Variants in CLN6 observed in about 807,000 individuals in gnomAD.
CLN6 encodes ceroid-lipofuscinosis neuronal protein 6.
In CLN6, 22 loss-of-function variants were observed where a neutral mutation model predicts 33.3. The observed-to-expected ratio is 0.66, with a 90% CI of 0.47 to 0.94. CLN6 has a LOEUF of 0.94. Ranked by LOEUF, CLN6 falls within the 40% of genes least tolerant of loss-of-function variation. CLN6 has a pLI of 0.00. For synonymous variants in CLN6, 201 were observed against 174.6 expected (o/e 1.15, Z -1.19); for missense variants, 387 against 417.1 (o/e 0.93, Z 0.63).
In CLN6 at chr15:68,247,932, G is replaced by A. The variant is rs1201916898; in HGVS notation, c.179+8758C>T. ...AATCCTAGCTACTTGGGAGGCTGAG[G>A]CAGGAGAATCACTTGAACCTGGGAG... is the stretch of plus-strand genomic sequence containing the variant. On this transcript the variant is annotated intron_variant, in intron 1 of 6. Coordinates refer to the CLN6 transcript ENST00000538696. This position sits in a 1 kb window ranked among gnomAD's most constrained non-coding sequence, Gnocchi z 4.2. 2.0e-5 allele frequency among the ~76,000 whole-genome samples: 3 copies of A among 151,444 alleles called. No individual in the cohort carries two copies. Among genetic ancestry groups the A allele is most frequent in the Non-Finnish European group, 4.4e-5 (3 of 67,982 alleles).
rs140179213 is a variant in CLN6 at position 68,211,832 on chromosome 15, C to A, written c.329G>T (p.Arg110Leu). The change falls in exon 4 of 7, where the codon CGC becomes CTC. Residue 110 changes from arginine (R) to leucine (L), a missense_variant. Physicochemically the swap from Arg to Leu is moderately radical, Grantham distance 102 (BLOSUM62 -2). Coordinates refer to ENST00000249806, the MANE Select transcript of CLN6 (RefSeq NM_017882.3). This position sits in a 1 kb window ranked among gnomAD's most constrained non-coding sequence, Gnocchi z 5.9. ...LIERSPRTLP[R>L]SITYVSIIIF... ...GATGATGCTCACGTACGTGATGGAG[C>A]GTGGCAGGGTGCGGGGGGACCGCTC... 4.3e-6 allele frequency: 7 copies of A among 1,613,656 alleles called. No homozygotes were observed. The African/African-American group carries it at 6.7e-5, about 15-fold the overall frequency.
Position 68,208,750 on chromosome 15 carries a change from G to A in CLN6, c.666-340C>T, listed in dbSNP as rs1450909173. 2.0e-5 allele frequency among the ~76,000 whole-genome samples: 3 copies of A among 152,182 alleles called. No individual in the cohort carries two copies. The highest frequency in any genetic ancestry group is 6.5e-5 in the Admixed American group (1 of 15,284). On this transcript the variant is annotated intron_variant, in intron 6 of 6. Transcript: ENST00000249806. The surrounding 1 kb of genome is among the most constrained non-coding windows in gnomAD (Gnocchi z 5.8). ...AGCAACAAACAATTGCCATTACGAC[G>A]GCAGCCACCCCCGCGGCAGGATGCC...
Position 68,228,145 on chromosome 15 carries a change from CTATGGCCAG to C in CLN6, c.83+1348_83+1356del, listed in dbSNP as rs2141154902. 6.6e-6 allele frequency among the ~76,000 whole-genome samples: 1 copy of C among 152,304 alleles called. No homozygotes were observed. The highest frequency in any genetic ancestry group is 2.4e-5 in the African/African-American group (1 of 41,572). On this transcript the variant is annotated intron_variant, in intron 1 of 6. Transcript: ENST00000249806. The surrounding 1 kb of genome is among the most constrained non-coding windows in gnomAD (Gnocchi z 4.4). Reference sequence around the variant, plus strand: ...AGACAGGTGAGCTACAGTATGCGGTCTATGGCCAGTACATTGTTTCTAAGTGAAAACGGA... The same window carrying C: ...AGACAGGTGAGCTACAGTATGCGGTCTACATTGTTTCTAAGTGAAAACGGA...
At position 68,210,748 on chromosome 15, in the gene CLN6, G is replaced by A. The variant is rs1418217163; in HGVS notation, c.542+515C>T. 6.6e-6 allele frequency among the ~76,000 whole-genome samples: 1 copy of A among 152,138 alleles called. No homozygotes were observed. The highest frequency in any genetic ancestry group is 1.5e-5 in the Non-Finnish European group (1 of 68,010). On this transcript the variant is annotated intron_variant, in intron 5 of 6. Transcript: ENST00000249806. The surrounding 1 kb of genome is among the most constrained non-coding windows in gnomAD (Gnocchi z 5.6). The stretch of plus-strand genomic sequence containing the variant: ...GGTAGGTAGGAAAAGGTGCCCCTCT[G>A]GGAGTTCTGAAGAGGGGGGAGCGCA...
chr15:68,208,158 G>C lies in CLN6; in HGVS notation c.918C>G (p.His306Gln), dbSNP rs1347398610. Residue 306 changes from histidine (H) to glutamine (Q), a missense_variant, in exon 7 of 7, where the codon CAC becomes CAG. Transcript: ENST00000249806. This position sits in a 1 kb window ranked among gnomAD's most constrained non-coding sequence, Gnocchi z 5.8. Reference sequence around the variant, plus strand: ...CAGGGACTCAGTGCCGACTGCTGACGTGAAGGGTGTAGAAAGCCCAGGGCT... The same window carrying C: ...CAGGGACTCAGTGCCGACTGCTGACCTGAAGGGTGTAGAAAGCCCAGGGCT... ...VPEPWAFYTL[H>Q]VSSRH The C allele has an allele frequency of 1.3e-6, 2 of 1,575,710 alleles. No individual in the cohort carries two copies. The highest frequency in any genetic ancestry group is 4.8e-5 in the East Asian group (2 of 42,066).
rs949403836 is a variant in CLN6, at chr15:68,211,765, A to G, written c.396T>C (p.Ser132=). The G allele has an allele frequency of 6.8e-6, 11 of 1,613,754 alleles. No homozygotes were observed. The highest frequency in any genetic ancestry group is 1.3e-5 in the African/African-American group (1 of 74,910). The change falls in exon 4 of 7, where the codon TCT becomes TCC. Residue 132 remains serine (S), a synonymous_variant. Transcript: ENST00000249806. This position sits in a 1 kb window ranked among gnomAD's most constrained non-coding sequence, Gnocchi z 5.9. ...CACTGAAGAGCAGGCGGTGGTTGAC[A>G]GAGTCACCCACCAGGTGGATGCTGG... is the stretch of plus-strand genomic sequence containing the variant. ...MGASIHLVGD[S]VNHRLLFSGY... is the part of the protein sequence containing the mutation.
Position 68,221,841 on chromosome 15 carries a change from C to T in CLN6, c.84-3191G>A, listed in dbSNP as rs538546640. On this transcript the variant is annotated intron_variant, in intron 1 of 6. Transcript: ENST00000249806. The stretch of plus-strand genomic sequence containing the variant: ...GTGAGGAGCGCCTCTGCCCAGCTGC[C>T]CCGTCTAGGAAGTGAGGAGCGCCTC... Among the ~76,000 whole-genome samples, 82 of 148,752 alleles carry T rather than the reference C, an allele frequency of 5.5e-4. 1 individual carries two copies. Among genetic ancestry groups the T allele is most frequent in the Middle Eastern group, 3.5e-3 (1 of 284 alleles).
rs150222051 is a variant in CLN6, at chr15:68,252,718, A to C, written c.179+3972T>G. Among the ~76,000 whole-genome samples the C allele has an allele frequency of 4.1e-3, 619 of 152,352 alleles. 1 individual carries two copies. Among genetic ancestry groups the C allele is most frequent in the Non-Finnish European group, 7.0e-3 (476 of 68,032 alleles). ...AAATAGTGATATATTCACAGAGTGC[A>C]TGTACTATAGCTACACACATCAACC... On this transcript the variant is annotated intron_variant, in intron 1 of 6. Transcript: ENST00000538696.
At chr15:68,235,634 C>A (rs28455086) in intron 1 of CLN6, among the ~76,000 whole-genome samples, 4,261 of 123,174 alleles carry the variant, frequency 0.035, 168 homozygotes, top group African/African-American at 0.13. Flanking sequence ...ATATATATAT[C>A]GATTAATCGA....
rs1567094628 is a variant in CLN6, at chr15:68,208,317, G to C, written c.759C>G (p.Leu253=). 3.7e-6 allele frequency: 6 copies of C among 1,614,184 alleles called. No homozygotes were observed. The highest frequency in any genetic ancestry group is 3.3e-4 in the Middle Eastern group (2 of 6,062). The change falls in exon 7 of 7, where the codon CTC becomes CTG. Residue 253 remains leucine, a synonymous_variant. Coordinates refer to ENST00000249806, the MANE Select transcript of CLN6 (RefSeq NM_017882.3). This position sits in a 1 kb window ranked among gnomAD's most constrained non-coding sequence, Gnocchi z 5.8. The part of the protein sequence containing the change: ...ALVLHQKRKR[L]FLDSNGLFLF... ...GGAAGAGGCCGTTGCTGTCCAGGAA[G>C]AGGCGCTTGCGCTTCTGGTGCAGGA...
At chr15:68,226,147 G>A (rs1222223796) in intron 1 of CLN6, among the ~76,000 whole-genome samples, 6 of 151,092 alleles carry the variant, frequency 4.0e-5, no homozygotes, top group South Asian at 2.1e-4. Context: ...GTGAAACGCC[G>A]TCTCTACTAA....
chr15:68,224,265 CA>C (rs34196710), intron 1 of CLN6, among the ~76,000 whole-genome samples: 141 of 46,720 alleles, frequency 3.0e-3, no homozygotes, highest in African/African-American at 0.017. Flanking sequence ...GACCTTATTG[CA>C]AAAAAAAAAA....
intron 1 of CLN6, among the ~76,000 whole-genome samples, chr15:68,225,076 C>T (rs1200389090): frequency 6.6e-6 from 1 of 151,334 alleles, no homozygotes; most frequent in Non-Finnish European, 1.5e-5. Flanking sequence ...AAATGGGGAC[C>T]ACAGAGAGAC....
At chr15:68,229,363 G>GC in intron 1 of CLN6, 139 bp downstream of exon 1, 7 of 560,568 alleles carry the variant, frequency 1.2e-5, no homozygotes, top group South Asian at 7.3e-5. Context: ...GCGCCTCCAA[G>GC]CCCCCCGCGC....
rs1401034990 is a variant in CLN6 at position 68,211,549 on chromosome 15, C to T, written c.486+126G>A. 3.1e-6 allele frequency: 5 copies of T among 1,598,194 alleles called. No homozygotes were observed. In the African/African-American group the frequency reaches 6.7e-5, roughly 21 times the overall value. On this transcript the variant is annotated intron_variant, in intron 4 of 6. Coordinates refer to ENST00000249806, the MANE Select transcript of CLN6 (RefSeq NM_017882.3). The surrounding 1 kb of genome is among the most constrained non-coding windows in gnomAD (Gnocchi z 5.9). ...TCCTAGCTTGGGGCAGGCGACAGTG[C>T]CCTCACCTAGCAGAATGCCTTTGGT...
At chr15:68,217,777 T>A (rs1342635876) in intron 2 of CLN6, among the ~76,000 whole-genome samples, 1 of 152,192 alleles carries the variant, frequency 6.6e-6, no homozygotes, top group Non-Finnish European at 1.5e-5. Context: ...ATAGTCACAC[T>A]GTGCCCCCAC....
rs560219596 is a variant in CLN6 at position 68,228,752 on chromosome 15, A to C, written c.83+750T>G. Among the ~76,000 whole-genome samples the C allele has an allele frequency of 6.6e-6, 1 of 152,060 alleles. No individual in the cohort carries two copies. Among genetic ancestry groups the C allele is most frequent in the South Asian group, 2.1e-4 (1 of 4,818 alleles). On this transcript the variant is annotated intron_variant, in intron 1 of 6. Coordinates refer to ENST00000249806, the MANE Select transcript of CLN6 (RefSeq NM_017882.3). The surrounding 1 kb of genome is among the most constrained non-coding windows in gnomAD (Gnocchi z 4.4). Reference sequence around the variant, plus strand: ...GGGCTCTGTCTCTCCTGATCCCTACAGGACCGTAAGCCTCTCCCACCTTCA... The same window carrying C: ...GGGCTCTGTCTCTCCTGATCCCTACCGGACCGTAAGCCTCTCCCACCTTCA...
At chr15:68,229,879 C>A, upstream of CLN6, 1 of 241,826 alleles carries the variant, frequency 4.1e-6, no homozygotes, top group Non-Finnish European at 7.7e-6. Flanking sequence ...CCTGTCCGGG[C>A]TGCGCGCGTG....
chr15:68,211,337 G>C lies in CLN6; in HGVS notation c.487-19C>G. On this transcript the variant is annotated intron_variant, in intron 4 of 6. Coordinates refer to ENST00000249806, the MANE Select transcript of CLN6 (RefSeq NM_017882.3). The surrounding 1 kb of genome is among the most constrained non-coding windows in gnomAD (Gnocchi z 5.9). ...AGTCGATCTGAGGGAGGAACGGGCA[G>C]GGCAGAGTCGGGGGATGTCGATGTC... 1 of 1,613,644 alleles carries C rather than the reference G, an allele frequency of 6.2e-7. No homozygotes were observed. Among genetic ancestry groups the C allele is most frequent in the Non-Finnish European group, 8.5e-7 (1 of 1,179,816 alleles).
Sources: gnomAD v4.1 joint callset for allele counts (sites outside exome capture counted in the v4.1 genomes callset) on GRCh38, gnomAD v4.1.1 for gene constraint, Gnocchi (gnomAD v3.1) non-coding constraint, MANE v1.5 for transcripts, NCBI Gene and HGNC (gene_info 2026-07-23, HGNC 2026-07-21) for gene names.